The following PRPSAP2 variants were observed in gnomAD, a reference collection of about 807,000 sequenced individuals.
PRPSAP2 encodes phosphoribosyl pyrophosphate synthetase associated protein 2.
Under a neutral mutation model 40.6 loss-of-function variants are expected in PRPSAP2, and 24 were observed. The ratio of observed to expected loss-of-function variants is 0.59; its 90% CI spans 0.43 to 0.83. The LOEUF (loss-of-function observed/expected upper bound fraction) is 0.83. Ranked by LOEUF, PRPSAP2 falls within the 40% of genes least tolerant of loss-of-function variation. The probability of loss-of-function intolerance (pLI) is 0.00; values close to 1 mark genes in which losing one functional copy is unlikely to be tolerated. For synonymous variants in PRPSAP2, 149 were observed against 164.7 expected (o/e 0.90, Z 0.73); for missense variants, 292 against 465.6 (o/e 0.63, Z 3.43).
intron 9 of PRPSAP2, among the ~76,000 whole-genome samples, chr17:18,919,747 A>G (rs1471784575): frequency 6.6e-6 from 1 of 152,162 alleles, no homozygotes; most frequent in Non-Finnish European, 1.5e-5. Context: ...ATGATTTTCC[A>G]CTTTATAGAT....
chr17:18,860,455 T>C (rs2036922464), intron 1 of PRPSAP2: 1 of 152,270 alleles, frequency 6.6e-6, no homozygotes, highest in African/African-American at 2.4e-5. Flanking sequence ...ATCATTTGTT[T>C]AGCCTCTACC....
At chr17:18,917,779 G>A (rs1225526584) in intron 9 of PRPSAP2, among the ~76,000 whole-genome samples, 1 of 150,928 alleles carries the variant, frequency 6.6e-6, no homozygotes, top group Non-Finnish European at 1.5e-5. Context: ...TGGGAAGTGG[G>A]CGCTGAGGAG....
intron 7 of PRPSAP2, among the ~76,000 whole-genome samples, chr17:18,884,026 T>C (rs1163249196): frequency 6.6e-6 from 1 of 152,128 alleles, no homozygotes; most frequent in East Asian, 1.9e-4. Flanking sequence ...CCCAGCACTT[T>C]GGGAGTCTGA....
At chr17:18,875,945 C>T (rs943879929) in intron 5 of PRPSAP2, among the ~76,000 whole-genome samples, 1 of 151,894 alleles carries the variant, frequency 6.6e-6, no homozygotes, top group African/African-American at 2.4e-5. Flanking sequence ...ACCAGCCTGA[C>T]CAACATGGAG....
At chr17:18,884,897 G>T (rs2151913634) in intron 7 of PRPSAP2, among the ~76,000 whole-genome samples, 1 of 152,308 alleles carries the variant, frequency 6.6e-6, no homozygotes, top group East Asian at 1.9e-4. Flanking sequence ...CAGGCATGTT[G>T]TGTGCCAATG....
At chr17:18,870,952 A>T (rs2037817311) in intron 4 of PRPSAP2, among the ~76,000 whole-genome samples, 2 of 152,146 alleles carry the variant, frequency 1.3e-5, no homozygotes, top group Admixed American at 1.3e-4. Flanking sequence ...CACCCAGCCC[A>T]ACAACAATTC....
chr17:18,915,772 C>G (rs2041272453), intron 9 of PRPSAP2, among the ~76,000 whole-genome samples: 1 of 152,058 alleles, frequency 6.6e-6, no homozygotes, highest in African/African-American at 2.4e-5. Context: ...CTCTGTGACC[C>G]AAACATCTCC....
intron 9 of PRPSAP2, among the ~76,000 whole-genome samples, chr17:18,919,677 G>A (rs2041581826): frequency 6.6e-6 from 1 of 152,180 alleles, no homozygotes; most frequent in Non-Finnish European, 1.5e-5. Flanking sequence ...AAAAAAGATA[G>A]CAGGAGGGAA....
chr17:18,917,569 ATTATTATTATTATTATTTTTTTTT>A (rs1292254375), intron 9 of PRPSAP2: 8 of 30,104 alleles, frequency 2.7e-4, no homozygotes, highest in African/African-American at 8.7e-4. Flanking sequence ...TATTATTATT[ATTATTATTATTATTATTTTTTTTT>A]TTTTTTTTTT....
At chr17:18,916,474 C>T (rs561702876) in intron 9 of PRPSAP2, among the ~76,000 whole-genome samples, 6 of 151,358 alleles carry the variant, frequency 4.0e-5, no homozygotes, top group South Asian at 2.1e-4. Context: ...CTCCACCTCC[C>T]GGGTTCAAGC....
chr17:18,879,892 G>GT (rs1292363109), intron 6 of PRPSAP2, among the ~76,000 whole-genome samples: 2 of 26 alleles, frequency 0.077, no homozygotes, highest in Non-Finnish European at 0.11. Context: ...GAGGTTGGGA[G>GT]TTCAGAGCAG....
intron 6 of PRPSAP2, among the ~76,000 whole-genome samples, chr17:18,880,669 A>G (rs1427161436): frequency 1.3e-5 from 2 of 150,526 alleles, no homozygotes; most frequent in Non-Finnish European, 3.0e-5. Flanking sequence ...TCGGCCTCCC[A>G]AAGTGCTGGG....
intron 8 of PRPSAP2, among the ~76,000 whole-genome samples, chr17:18,894,481 T>TC (rs1416232880): frequency 1.4e-5 from 2 of 141,214 alleles, no homozygotes; most frequent in Non-Finnish European, 3.1e-5. Context: ...TCAATAGTCT[T>TC]TTTTTTTTTT....
chr17:18,902,888 A>G (rs1333538624), intron 8 of PRPSAP2, among the ~76,000 whole-genome samples: 10 of 150,668 alleles, frequency 6.6e-5, no homozygotes, highest in African/African-American at 1.7e-4. Flanking sequence ...AAAAAAAAAA[A>G]AAAAAGAAAT....
chr17:18,898,320 A>G (rs952627944), intron 8 of PRPSAP2, among the ~76,000 whole-genome samples: 1 of 152,130 alleles, frequency 6.6e-6, no homozygotes, highest in Non-Finnish European at 1.5e-5. Flanking sequence ...TTAAACATCA[A>G]ACATAATTTA....
intron 6 of PRPSAP2, among the ~76,000 whole-genome samples, chr17:18,878,281 C>T (rs545679266): frequency 6.6e-6 from 1 of 152,274 alleles, no homozygotes; most frequent in African/African-American, 2.4e-5. Context: ...CGCCTGCAAT[C>T]CCAATGCTTT....
chr17:18,924,142 C>T (rs1241938101), intron 10 of PRPSAP2, 158 bp downstream of exon 10: 10 of 587,216 alleles, frequency 1.7e-5, no homozygotes, highest in East Asian at 9.4e-5. Flanking sequence ...CAGGTTCAAA[C>T]GATTCTCCTG....
At chr17:18,862,945 C>G (rs988126930) in intron 1 of PRPSAP2, among the ~76,000 whole-genome samples, 8 of 151,638 alleles carry the variant, frequency 5.3e-5, no homozygotes, top group Admixed American at 3.9e-4. Flanking sequence ...CTCAGCCTCC[C>G]GAGTAGCTGG....
Position 18,923,911 on chromosome 17 carries a change from C to T in PRPSAP2, c.734-3C>T. Reference sequence around the variant, plus strand: ...TTTGGTGTGTGTGTTTTATTCCAACCAGTGCTGATTCCTAAAGAAAAGCCC... The same window carrying T: ...TTTGGTGTGTGTGTTTTATTCCAACTAGTGCTGATTCCTAAAGAAAAGCCC... On this transcript the variant is annotated splice_polypyrimidine_tract_variant and splice_region_variant and intron_variant, in intron 9 of 11. Coordinates refer to ENST00000268835, the MANE Select transcript of PRPSAP2 (RefSeq NM_002767.4). The T allele has an allele frequency of 6.2e-7, 1 of 1,610,108 alleles. No homozygotes were observed. Among genetic ancestry groups the T allele is most frequent in the Non-Finnish European group, 8.5e-7 (1 of 1,177,790 alleles).
Sources: allele counts gnomAD v4.1 joint callset (sites outside exome capture counted in the v4.1 genomes callset), GRCh38; gene constraint gnomAD v4.1.1; transcripts MANE v1.5; gene names NCBI Gene and HGNC (gene_info 2026-07-23, HGNC 2026-07-21).